KIF16B: variants seen among roughly 807,000 people sequenced by gnomAD.
KIF16B encodes the protein kinesin-like protein KIF16B.
In KIF16B, 98 loss-of-function variants were observed where a neutral mutation model predicts 156.3. That is an observed-to-expected ratio of 0.63 (90% CI 0.53 to 0.74). The LOEUF is 0.74. KIF16B is among the 30% of genes least tolerant of loss of function. KIF16B has a pLI of 0.00. For missense variants in KIF16B, 1,421 were observed against 1,606.5 expected, an observed-to-expected ratio of 0.88 and a Z score of 1.97; for synonymous variants, 564 against 583.7, an observed-to-expected ratio of 0.97 and a Z score of 0.49.
chr20:16,295,549 T>A (rs1255510625), intron 25 of KIF16B, among the ~76,000 whole-genome samples: 1 of 150,188 alleles, frequency 6.7e-6, no homozygotes, highest in Non-Finnish European at 1.5e-5. Context: ...TATAATTATA[T>A]CTTATTATAC....
In KIF16B at chr20:16,573,395, T is replaced by G. The variant is rs2071530558; in HGVS notation, c.-120A>C. 2 of 1,131,094 alleles carry G rather than the reference T, an allele frequency of 1.8e-6. No homozygotes were observed. Among genetic ancestry groups the G allele is most frequent in the African/African-American group, 1.6e-5 (1 of 63,920 alleles). The allele number at this position is 1,131,094 out of a possible 1,614,324, so 70.1% of individuals were successfully genotyped here. On this transcript the variant is annotated 5_prime_UTR_variant, in exon 1 of 26. Transcript: ENST00000354981. The stretch of plus-strand genomic sequence containing the variant: ...TTCCCTCTCGCCCCCGCCCCTCTGC[T>G]CCCGGCCGGACCTGGAGTTCCGCGG...
intron 17 of KIF16B, among the ~76,000 whole-genome samples, chr20:16,383,739 T>A (rs1332937892): frequency 6.6e-6 from 1 of 152,246 alleles, no homozygotes; most frequent in Non-Finnish European, 1.5e-5. Context: ...GATAAAATAC[T>A]TTTTAAAATC....
chr20:16,303,150 T>A (rs1226874934), intron 25 of KIF16B, among the ~76,000 whole-genome samples: 1 of 152,234 alleles, frequency 6.6e-6, no homozygotes, highest in Non-Finnish European at 1.5e-5. Flanking sequence ...ATATTTTATA[T>A]GAATTATTTC....
At chr20:16,539,329 C>T (rs1284653889) in intron 1 of KIF16B, among the ~76,000 whole-genome samples, 1 of 152,116 alleles carries the variant, frequency 6.6e-6, no homozygotes, top group East Asian at 1.9e-4. Flanking sequence ...ACAGTGAGAG[C>T]CAGGCTGCTG....
At chr20:16,278,389 A>C (rs2063096192) in intron 25 of KIF16B, among the ~76,000 whole-genome samples, 1 of 152,228 alleles carries the variant, frequency 6.6e-6, no homozygotes, top group Non-Finnish European at 1.5e-5. Flanking sequence ...ATATCTATCT[A>C]GGTTATTTAC....
chr20:16,565,794 AC>A (rs2071231204), intron 1 of KIF16B, among the ~76,000 whole-genome samples: 1 of 151,806 alleles, frequency 6.6e-6, no homozygotes. Flanking sequence ...ACCCACCCCA[AC>A]CCGCGTAGGG....
At chr20:16,539,263 G>A (rs759612359) in intron 1 of KIF16B, among the ~76,000 whole-genome samples, 3 of 152,092 alleles carry the variant, frequency 2.0e-5, no homozygotes, top group Non-Finnish European at 4.4e-5. Flanking sequence ...GGAAAAGTTC[G>A]GAATTTCCTA....
intron 15 of KIF16B, among the ~76,000 whole-genome samples, chr20:16,410,415 C>A (rs1392220421): frequency 6.6e-6 from 1 of 150,878 alleles, no homozygotes; most frequent in Non-Finnish European, 1.5e-5. Flanking sequence ...AGCCAAAATG[C>A]TTGGGACAAA....
Position 16,368,697 on chromosome 20 carries a change from A to C in KIF16B, c.3498+1889T>G, listed in dbSNP as rs1424592202. 7.1e-6 allele frequency: 7 copies of C among 985,898 alleles called. No homozygotes were observed. In the South Asian group the frequency reaches 3.3e-4, roughly 46 times the overall value. 61.1% of individuals were successfully genotyped at this position (985,898 alleles called of 1,614,324 possible). ...CTTCCTCACCTTGCTGCTCACTATA[A>C]AACTCAGACGCCAGTACGCTCTGCG... On this transcript the variant is annotated intron_variant, in intron 22 of 25. Transcript: ENST00000354981.
In KIF16B at chr20:16,379,806, C is replaced by T; in HGVS notation, c.2196G>A (p.Gln732=). The change falls in exon 19 of 26, where the codon CAG becomes CAA. Residue 732 remains glutamine (Q), a synonymous_variant. Coordinates refer to ENST00000354981, the MANE Select transcript of KIF16B (RefSeq NM_024704.5). ...ACTGTTCATCTTTTTCCTTTTGGAG[C>T]TGGTCCAGTTCTTGAAATATCTGAA... ...EKFQIFQELD[Q]LQKEKDEQYA... 1.2e-6 allele frequency: 2 copies of T among 1,614,208 alleles called. No individual in the cohort carries two copies. The highest frequency in any genetic ancestry group is 1.3e-5 in the African/African-American group (1 of 75,048).
rs1555877398 is a variant in KIF16B at position 16,409,967 on chromosome 20, A to ATGTAGG, written c.1613-3512_1613-3511insCCTACA. Among the ~76,000 whole-genome samples, 5 of 30,118 alleles carry ATGTAGG rather than the reference A, an allele frequency of 1.7e-4. 1 individual carries two copies. Among genetic ancestry groups the ATGTAGG allele is most frequent in the African/African-American group, 5.9e-4 (4 of 6,764 alleles). 19.8% of individuals were successfully genotyped at this position (30,118 alleles called of 152,430 possible). On this transcript the variant is annotated intron_variant, in intron 15 of 25. Transcript: ENST00000354981. ...TACCTACATATATATATATATATATATACATATATATATATATATATATAT... is the reference window on the plus strand; with the variant it reads ...TACCTACATATATATATATATATATATGTAGGTACATATATATATATATATATATAT...
chr20:16,515,430 C>T (rs1053092525), intron 4 of KIF16B, 118 bp downstream of exon 4: 2 of 603,848 alleles, frequency 3.3e-6, no homozygotes, highest in Non-Finnish European at 5.9e-6. Context: ...TATCTTATTA[C>T]TAAAGAATAA....
intron 1 of KIF16B, among the ~76,000 whole-genome samples, chr20:16,559,140 T>C (rs2070965655): frequency 1.3e-5 from 2 of 152,144 alleles, no homozygotes; most frequent in Admixed American, 1.3e-4. Flanking sequence ...AAACCAATAC[T>C]TGCCACACCA....
At chr20:16,499,015 C>T (rs1047021098) in intron 10 of KIF16B, among the ~76,000 whole-genome samples, 9 of 151,982 alleles carry the variant, frequency 5.9e-5, no homozygotes, top group Non-Finnish European at 8.8e-5. Flanking sequence ...GGAGCATAAG[C>T]GTTCGTCTTG....
intron 3 of KIF16B, among the ~76,000 whole-genome samples, chr20:16,522,047 G>C (rs995477184): frequency 4.6e-5 from 7 of 152,164 alleles, no homozygotes; most frequent in Non-Finnish European, 1.0e-4. Flanking sequence ...GGAACAACTG[G>C]TACCAGCCAC....
intron 12 of KIF16B, among the ~76,000 whole-genome samples, chr20:16,450,988 A>T (rs778482943): frequency 6.7e-4 from 102 of 152,226 alleles, no homozygotes; most frequent in Non-Finnish European, 9.7e-4. Flanking sequence ...AGTGCCGCGC[A>T]TCTTCTGTCA....
At chr20:16,505,894 TA>T (rs1568615771) in intron 8 of KIF16B, 41 bp from the exon 9 acceptor site, 1 of 1,607,888 alleles carries the variant, frequency 6.2e-7, no homozygotes, top group East Asian at 2.2e-5. Flanking sequence ...GGACAATTAG[TA>T]AAATTTTTTT....
chr20:16,366,076 G>A (rs867592105), intron 22 of KIF16B, among the ~76,000 whole-genome samples: 33 of 78,210 alleles, frequency 4.2e-4, no homozygotes, highest in African/African-American at 2.6e-3. Context: ...TTGGACAGAG[G>A]GGGACAGAGA....
rs1244562885 is a variant in KIF16B, at chr20:16,379,343, C to T, written c.2659G>A (p.Glu887Lys). 4 of 1,605,552 alleles carry T rather than the reference C, an allele frequency of 2.5e-6. No homozygotes were observed. The highest frequency in any genetic ancestry group is 1.3e-5 in the African/African-American group (1 of 74,336). The stretch of plus-strand genomic sequence containing the variant: ...ATTTTCTCGAAATCTTGAGGCACTT[C>T]CGTGACATCTGTGACACTCTCATCA... Reference protein sequence around the residue: ...KHDESVTDVTEVPQDFEKIKP... With the variant: ...KHDESVTDVTKVPQDFEKIKP... Residue 887 changes from glutamate (E) to lysine (K), a missense_variant, in exon 19 of 26, where the codon GAA (glutamate) becomes AAA (lysine). By Grantham distance (56) the Glu-to-Lys change is moderately conservative (BLOSUM62 1). Coordinates refer to ENST00000354981, the MANE Select transcript of KIF16B (RefSeq NM_024704.5).
Sources: gnomAD v4.1 joint callset for allele counts (sites outside exome capture counted in the v4.1 genomes callset) on GRCh38, gnomAD v4.1.1 for gene constraint, MANE v1.5 for transcripts, NCBI Gene and HGNC (gene_info 2026-07-23, HGNC 2026-07-21) for gene names.